The following TLCD2 variants were observed in gnomAD, a reference collection of about 807,000 sequenced individuals.
TLCD2 encodes the protein TLC domain-containing protein 2.
Under a neutral mutation model 14.0 loss-of-function variants are expected in TLCD2, and 12 were observed. That is an observed-to-expected ratio of 0.86 (90% CI 0.55 to 1.39). The LOEUF is 1.39. Ranked by LOEUF, TLCD2 falls within the 40% of genes most tolerant of loss-of-function variation. The probability of loss-of-function intolerance (pLI) is 0.00; values close to 1 mark genes in which losing one functional copy is unlikely to be tolerated. For synonymous variants in TLCD2, 166 were observed against 156.5 expected (o/e 1.06, Z -0.45); for missense variants, 360 against 346.8 (o/e 1.04, Z -0.30).
chr17:1,702,985 A>G lies in TLCD2; in HGVS notation c.*4785T>C, dbSNP rs375727583. The G allele has an allele frequency of 5.9e-5, 9 of 152,080 alleles. No homozygotes were observed. Among genetic ancestry groups the G allele is most frequent in the African/African-American group, 2.2e-4 (9 of 41,420 alleles). 9.4% of individuals were successfully genotyped at this position (152,080 alleles called of 1,614,324 possible). A position where few individuals can be genotyped will look rare whatever the true frequency, so the allele number is the denominator to read the frequency against. On this transcript the variant is annotated 3_prime_UTR_variant, in exon 4 of 4. Transcript: ENST00000330676. Reference sequence around the variant, plus strand: ...GTCTTGAGGACCATTTCCCTGGGCCACGGTAAAGTCTGGCGAAGCACCACT... The same window carrying G: ...GTCTTGAGGACCATTTCCCTGGGCCGCGGTAAAGTCTGGCGAAGCACCACT...
chr17:1,707,742 C>A lies in TLCD2; in HGVS notation c.*28G>T, dbSNP rs531690323. The A allele has an allele frequency of 6.9e-7, 1 of 1,457,458 alleles. No individual in the cohort carries two copies. Among genetic ancestry groups the A allele is most frequent in the African/African-American group, 1.4e-5 (1 of 70,678 alleles). 90.3% of individuals were successfully genotyped at this position (1,457,458 alleles called of 1,614,324 possible). On this transcript the variant is annotated 3_prime_UTR_variant, in exon 4 of 4. Transcript: ENST00000330676. ...TCATCTCCTTGTCCTGGCCCCACCT[C>A]CCCCAGCGAGGGGCCCATGGCTTCT...
In TLCD2 at chr17:1,709,877, C is replaced by T; in HGVS notation, c.186G>A (p.Leu62=). The change falls in exon 2 of 4, where the codon CTG becomes CTA. Residue 62 remains leucine (L), a synonymous_variant. Transcript: ENST00000330676. ...SGTGALLGLS[L]YPQMAADPIH... The stretch of plus-strand genomic sequence containing the variant: ...TGGGGTCGGCGGCCATCTGAGGGTA[C>T]AGTGACAGGCTGGGGGCATGGGGTG... The T allele has an allele frequency of 1.3e-6, 2 of 1,530,074 alleles. No homozygotes were observed. The highest frequency in any genetic ancestry group is 1.7e-6 in the Non-Finnish European group (2 of 1,143,060). The allele number at this position is 1,530,074 out of a possible 1,614,324, so 94.8% of individuals were successfully genotyped here. A position where few individuals can be genotyped will look rare whatever the true frequency, so the allele number is the denominator to read the frequency against.
In TLCD2 at chr17:1,709,537, A is replaced by T; in HGVS notation, c.304T>A (p.Leu102Met). 1 of 1,537,046 alleles carries T rather than the reference A, an allele frequency of 6.5e-7. No homozygotes were observed. The highest frequency in any genetic ancestry group is 8.7e-7 in the Non-Finnish European group (1 of 1,146,864). ...CAGAGAAGATCCCAGGTCTTGCCCA[A>T]GGTCTGGTTCCACAGCAGGTCAGCT... ...DGADLLWNQT[L>M]GKTWDLLCHH... Residue 102 changes from leucine (L) to methionine (M), a missense_variant, in exon 3 of 4, where the codon TTG (leucine) becomes ATG (methionine). Transcript: ENST00000330676.
Position 1,709,480 on chromosome 17 carries a change from T to C in TLCD2, c.342+19A>G. ...TCCCCTCCTCCCTTCCTGTCTGGCT[T>C]CTGCCCTCAGAGTCTCACCACCAAA... is the stretch of plus-strand genomic sequence containing the variant. On this transcript the variant is annotated intron_variant, in intron 3 of 3. Coordinates refer to ENST00000330676, the MANE Select transcript of TLCD2 (RefSeq NM_001164407.2). The C allele has an allele frequency of 1.3e-6, 2 of 1,533,104 alleles. No individual in the cohort carries two copies. The highest frequency in any genetic ancestry group is 1.7e-6 in the Non-Finnish European group (2 of 1,144,438). The allele number at this position is 1,533,104 out of a possible 1,614,324, so 95.0% of individuals were successfully genotyped here. A position where few individuals can be genotyped will look rare whatever the true frequency, so the allele number is the denominator to read the frequency against.
chr17:1,705,895 C>T lies in TLCD2; in HGVS notation c.*1875G>A, dbSNP rs1395153225. 6.6e-6 allele frequency: 1 copy of T among 151,840 alleles called. No homozygotes were observed. The highest frequency in any genetic ancestry group is 1.5e-5 in the Non-Finnish European group (1 of 67,990). The allele number at this position is 151,840 out of a possible 1,614,324, so 9.4% of individuals were successfully genotyped here. On this transcript the variant is annotated 3_prime_UTR_variant, in exon 4 of 4. Transcript: ENST00000330676. ...GTTCTGGGAAGGAAGGGGTCTTGTT[C>T]AACAGAAAAAAACGCAGCAGAAGCA...
In TLCD2 at chr17:1,710,034, C is replaced by A; in HGVS notation, c.176+33G>T. ...GCCTCAGCCTCCCACCCCTCGCCCTCGCCCCGTGCGCCTCGAGCCCCCAAG... is the reference window on the plus strand; with the variant it reads ...GCCTCAGCCTCCCACCCCTCGCCCTAGCCCCGTGCGCCTCGAGCCCCCAAG... On this transcript the variant is annotated intron_variant, in intron 1 of 3. Coordinates refer to ENST00000330676, the MANE Select transcript of TLCD2 (RefSeq NM_001164407.2). This position sits in a 1 kb window ranked among gnomAD's most constrained non-coding sequence, Gnocchi z 6.1. 1 of 1,529,994 alleles carries A rather than the reference C, an allele frequency of 6.5e-7. No homozygotes were observed. The highest frequency in any genetic ancestry group is 8.7e-7 in the Non-Finnish European group (1 of 1,144,682). 94.8% of individuals were successfully genotyped at this position (1,529,994 alleles called of 1,614,324 possible). A position where few individuals can be genotyped will look rare whatever the true frequency, so the allele number is the denominator to read the frequency against.
At position 1,707,734 on chromosome 17, in the gene TLCD2, C is replaced by T. The variant is rs546118279; in HGVS notation, c.*36G>A. 1.4e-6 allele frequency: 2 copies of T among 1,452,982 alleles called. No individual in the cohort carries two copies. Among genetic ancestry groups the T allele is most frequent in the East Asian group, 5.0e-5 (2 of 40,202 alleles). 90.0% of individuals were successfully genotyped at this position (1,452,982 alleles called of 1,614,324 possible). A position where few individuals can be genotyped will look rare whatever the true frequency, so the allele number is the denominator to read the frequency against. ...GAAGACCCTCATCTCCTTGTCCTGG[C>T]CCCACCTCCCCCAGCGAGGGGCCCA... On this transcript the variant is annotated 3_prime_UTR_variant, in exon 4 of 4. Coordinates refer to ENST00000330676, the MANE Select transcript of TLCD2 (RefSeq NM_001164407.2).
Position 1,710,198 on chromosome 17 carries a change from C to T in TLCD2, c.45G>A (p.Ala15=), listed in dbSNP as rs1318343089. 2 of 1,528,098 alleles carry T rather than the reference C, an allele frequency of 1.3e-6. No homozygotes were observed. Among genetic ancestry groups the T allele is most frequent in the African/African-American group, 1.4e-5 (1 of 71,770 alleles). 94.7% of individuals were successfully genotyped at this position (1,528,098 alleles called of 1,614,324 possible). A position where few individuals can be genotyped will look rare whatever the true frequency, so the allele number is the denominator to read the frequency against. The part of the protein sequence containing the change: ...GLLVAGASFL[A]FRGLHWGLRR... ...GCAACCCCCAGTGCAGCCCCCGGAA[C>T]GCGAGGAAGGAGGCGCCGGCCACCA... Residue 15 remains alanine (A), a synonymous_variant, in exon 1 of 4, where the codon GCG becomes GCA. Transcript: ENST00000330676. The surrounding 1 kb of genome is among the most constrained non-coding windows in gnomAD (Gnocchi z 6.1).
In TLCD2 at chr17:1,709,873, G is replaced by A; in HGVS notation, c.190C>T (p.Pro64Ser). 1.3e-6 allele frequency: 2 copies of A among 1,532,464 alleles called. No individual in the cohort carries two copies. Among genetic ancestry groups the A allele is most frequent in the Non-Finnish European group, 1.7e-6 (2 of 1,144,760 alleles). The allele number at this position is 1,532,464 out of a possible 1,614,324, so 94.9% of individuals were successfully genotyped here. The change falls in exon 2 of 4, where the codon CCT becomes TCT. Residue 64 changes from proline (P) to serine (S), a missense_variant. By Grantham distance (74) the Pro-to-Ser change is moderately conservative. Transcript: ENST00000330676. ...TGALLGLSLY[P>S]QMAADPIHGH... ...TGGATGGGGTCGGCGGCCATCTGAG[G>A]GTACAGTGACAGGCTGGGGGCATGG...
rs1419283016 is a variant in TLCD2 at position 1,708,223 on chromosome 17, C to G, written c.343-1G>C. On this transcript the variant is annotated splice_acceptor_variant, in intron 3 of 3. Transcript: ENST00000330676. LOFTEE classifies it high-confidence loss of function. ...CAGCGGTGCTGAGGCAGCTCACCAC[C>G]TGGGAGCCAGGGTCACAGGTCAGAG... is the stretch of plus-strand genomic sequence containing the variant. 2 of 1,518,250 alleles carry G rather than the reference C, an allele frequency of 1.3e-6. No homozygotes were observed. Among genetic ancestry groups the G allele is most frequent in the South Asian group, 2.4e-5 (2 of 82,012 alleles). 94.0% of individuals were successfully genotyped at this position (1,518,250 alleles called of 1,614,324 possible). A position where few individuals can be genotyped will look rare whatever the true frequency, so the allele number is the denominator to read the frequency against.
In TLCD2 at chr17:1,705,497, T is replaced by C. The variant is rs1246212017; in HGVS notation, c.*2273A>G. Reference sequence around the variant, plus strand: ...CTATTTTTCTGGTCCTTTTTGTTTATAACCCTTTTATCAGTTCTGTGACTT... The same window carrying C: ...CTATTTTTCTGGTCCTTTTTGTTTACAACCCTTTTATCAGTTCTGTGACTT... On this transcript the variant is annotated 3_prime_UTR_variant, in exon 4 of 4. Coordinates refer to ENST00000330676, the MANE Select transcript of TLCD2 (RefSeq NM_001164407.2). 5 of 152,414 alleles carry C rather than the reference T, an allele frequency of 3.3e-5. No individual in the cohort carries two copies. Among genetic ancestry groups the C allele is most frequent in the Non-Finnish European group, 7.3e-5 (5 of 68,194 alleles). The allele number at this position is 152,414 out of a possible 1,614,324, so 9.4% of individuals were successfully genotyped here.
rs542232539 is a variant in TLCD2 at position 1,709,909 on chromosome 17, TG to T, written c.177-24del. On this transcript the variant is annotated intron_variant, in intron 1 of 3. Coordinates refer to ENST00000330676, the MANE Select transcript of TLCD2 (RefSeq NM_001164407.2). The stretch of plus-strand genomic sequence containing the variant: ...AGGCTGGGGGCATGGGGTGGGGACA[TG>T]GGGGGGGGCATGGTCAGCCTCTCGA... 513 of 1,127,886 alleles carry T rather than the reference TG, an allele frequency of 4.5e-4. 1 individual carries two copies. The highest frequency in any genetic ancestry group is 3.6e-3 in the African/African-American group (226 of 63,620). The allele number at this position is 1,127,886 out of a possible 1,614,324, so 69.9% of individuals were successfully genotyped here. A position where few individuals can be genotyped will look rare whatever the true frequency, so the allele number is the denominator to read the frequency against.
chr17:1,709,828 G>C lies in TLCD2; in HGVS notation c.235C>G (p.Leu79Val), dbSNP rs2151145852. The change falls in exon 2 of 4, where the codon CTG becomes GTG. Residue 79 changes from leucine (L) to valine (V), a missense_variant. Coordinates refer to ENST00000330676, the MANE Select transcript of TLCD2 (RefSeq NM_001164407.2). ...DPIHGHPRWA[L>V]VLVAVSVGYF... ...CCCACAGACACAGCCACCAGCACCA[G>C]AGCCCAGCGCGGGTGGCCATGGATG... 16 of 1,534,830 alleles carry C rather than the reference G, an allele frequency of 1.0e-5. No homozygotes were observed. The highest frequency in any genetic ancestry group is 1.3e-5 in the Non-Finnish European group (15 of 1,146,178).
Position 1,710,003 on chromosome 17 carries a change from C to A in TLCD2, c.176+64G>T. The A allele has an allele frequency of 2.0e-6, 3 of 1,517,070 alleles. No homozygotes were observed. The highest frequency in any genetic ancestry group is 1.8e-6 in the Non-Finnish European group (2 of 1,137,518). 94.0% of individuals were successfully genotyped at this position (1,517,070 alleles called of 1,614,324 possible). A position where few individuals can be genotyped will look rare whatever the true frequency, so the allele number is the denominator to read the frequency against. ...TCAGCTCTGGAGACGCCCGGCGGGTCTCCCGGCCTCAGCCTCCCACCCCTC... is the reference window on the plus strand; with the variant it reads ...TCAGCTCTGGAGACGCCCGGCGGGTATCCCGGCCTCAGCCTCCCACCCCTC... On this transcript the variant is annotated intron_variant, in intron 1 of 3. Coordinates refer to ENST00000330676, the MANE Select transcript of TLCD2 (RefSeq NM_001164407.2). The surrounding 1 kb of genome is among the most constrained non-coding windows in gnomAD (Gnocchi z 6.1).
In TLCD2 at chr17:1,708,774, T is replaced by C. The variant is rs556387670; in HGVS notation, c.343-552A>G. 1.1e-4 allele frequency among the ~76,000 whole-genome samples: 16 copies of C among 152,290 alleles called. No individual in the cohort carries two copies. The South Asian group carries it at 3.3e-3, about 32-fold the overall frequency. ...CTGGGATTATAGGCATAAGCCACCG[T>C]GCCTGGCCTAGGGCTTTCATGCCCC... is the stretch of plus-strand genomic sequence containing the variant. On this transcript the variant is annotated intron_variant, in intron 3 of 3. Coordinates refer to ENST00000330676, the MANE Select transcript of TLCD2 (RefSeq NM_001164407.2).
Position 1,710,344 on chromosome 17 carries a change from C to G in TLCD2, c.-102G>C. 1 of 1,016,246 alleles carries G rather than the reference C, an allele frequency of 9.8e-7. No individual in the cohort carries two copies. The highest frequency in any genetic ancestry group is 1.3e-6 in the Non-Finnish European group (1 of 742,336). The allele number at this position is 1,016,246 out of a possible 1,614,324, so 63.0% of individuals were successfully genotyped here. On this transcript the variant is annotated 5_prime_UTR_variant, in exon 1 of 4. Transcript: ENST00000330676. The surrounding 1 kb of genome is among the most constrained non-coding windows in gnomAD (Gnocchi z 6.1). Reference sequence around the variant, plus strand: ...CCGTTTCCCGGCAGGGCTGGGGCCCCGGCTCCCCTCCCCGCCGCGCCTTTG... The same window carrying G: ...CCGTTTCCCGGCAGGGCTGGGGCCCGGGCTCCCCTCCCCGCCGCGCCTTTG...
In TLCD2 at chr17:1,703,798, A is replaced by C. The variant is rs1040778119; in HGVS notation, c.*3972T>G. 4 of 152,236 alleles carry C rather than the reference A, an allele frequency of 2.6e-5. No homozygotes were observed. The highest frequency in any genetic ancestry group is 9.6e-5 in the African/African-American group (4 of 41,468). 9.4% of individuals were successfully genotyped at this position (152,236 alleles called of 1,614,324 possible). On this transcript the variant is annotated 3_prime_UTR_variant, in exon 4 of 4. Coordinates refer to ENST00000330676, the MANE Select transcript of TLCD2 (RefSeq NM_001164407.2). The stretch of plus-strand genomic sequence containing the variant: ...ATCAACCTCAACAGATATTTAAGGA[A>C]TAGATTCCTCACATGAGTTTGTCAT...
At position 1,705,710 on chromosome 17, in the gene TLCD2, C is replaced by G. The variant is rs909763384; in HGVS notation, c.*2060G>C. On this transcript the variant is annotated 3_prime_UTR_variant, in exon 4 of 4. Transcript: ENST00000330676. Reference sequence around the variant, plus strand: ...ATCTTTCTGTACCTCCGCTTCTTAGCAAGGTTTTTGTTTTGTTTTGTTTTT... The same window carrying G: ...ATCTTTCTGTACCTCCGCTTCTTAGGAAGGTTTTTGTTTTGTTTTGTTTTT... 5 of 152,182 alleles carry G rather than the reference C, an allele frequency of 3.3e-5. No individual in the cohort carries two copies. Among genetic ancestry groups the G allele is most frequent in the African/African-American group, 1.2e-4 (5 of 41,420 alleles). 9.4% of individuals were successfully genotyped at this position (152,182 alleles called of 1,614,324 possible). A position where few individuals can be genotyped will look rare whatever the true frequency, so the allele number is the denominator to read the frequency against.
At chr17:1,709,993 C>G in intron 1 of TLCD2, 74 bp downstream of exon 1, 3 of 1,515,100 alleles carry the variant, frequency 2.0e-6, no homozygotes, top group Non-Finnish European at 2.6e-6. Context: ...TCTGGAGACG[C>G]CCGGCGGGTC....
Sources: gnomAD v4.1 joint callset for allele counts (sites outside exome capture counted in the v4.1 genomes callset) on GRCh38, gnomAD v4.1.1 for gene constraint, Gnocchi (gnomAD v3.1) non-coding constraint, MANE v1.5 for transcripts, NCBI Gene and HGNC (gene_info 2026-07-23, HGNC 2026-07-21) for gene names.